Variants in NAALADL2 observed in about 807,000 individuals in gnomAD.
The protein encoded by NAALADL2 is N-acetylated alpha-linked acidic dipeptidase like 2, also known as inactive N-acetylated-alpha-linked acidic dipeptidase-like protein 2.
In NAALADL2, 76 loss-of-function variants were observed where a neutral mutation model predicts 87.2. The observed-to-expected ratio is 0.87, with a 90% CI of 0.72 to 1.05. The LOEUF (loss-of-function observed/expected upper bound fraction) is 1.05, where lower values mean the gene tolerates loss of function less well. Among genes scored for constraint, NAALADL2 ranks in the 50% least tolerant of loss-of-function variants. The probability of loss-of-function intolerance (pLI) is 0.00; values close to 1 mark genes in which losing one functional copy is unlikely to be tolerated. For synonymous variants in NAALADL2, 354 were observed against 331.0 expected (o/e 1.07, Z -0.75); for missense variants, 1,089 against 945.8 (o/e 1.15, Z -1.99).
chr3:174,791,391 A>G (rs1297799678), intron 3 of NAALADL2, among the ~76,000 whole-genome samples: 1 of 152,190 alleles, frequency 6.6e-6, no homozygotes, highest in Non-Finnish European at 1.5e-5. Context: ...GGCCTCAGAG[A>G]GACCATCCAT....
At chr3:175,697,463 T>C (rs1737984305) in intron 11 of NAALADL2, among the ~76,000 whole-genome samples, 1 of 150,770 alleles carries the variant, frequency 6.6e-6, no homozygotes, top group Admixed American at 6.6e-5. Context: ...GTATTGTTAC[T>C]TTTGATTTTA....
At chr3:174,496,476 T>G (rs1224614363) in intron 1 of NAALADL2, among the ~76,000 whole-genome samples, 1 of 145,748 alleles carries the variant, frequency 6.9e-6, no homozygotes, top group Non-Finnish European at 1.5e-5. Flanking sequence ...TTATGGTGTG[T>G]GTCTGTGTCT....
At chr3:174,870,520 T>G (rs1727692593) in intron 1 of NAALADL2, among the ~76,000 whole-genome samples, 1 of 152,138 alleles carries the variant, frequency 6.6e-6, no homozygotes, top group Non-Finnish European at 1.5e-5. Context: ...TTTGAAGACA[T>G]TTGGATAATC....
chr3:175,289,434 A>T (rs1755381688), intron 4 of NAALADL2, among the ~76,000 whole-genome samples: 2 of 152,108 alleles, frequency 1.3e-5, no homozygotes, highest in South Asian at 2.1e-4. Flanking sequence ...AAGGTGCCAA[A>T]AAGAGAGAAC....
chr3:174,455,049 T>G (rs56030432), intron 1 of NAALADL2, among the ~76,000 whole-genome samples: 12,143 of 151,276 alleles, frequency 0.08, 629 homozygotes, highest in Middle Eastern at 0.12. Flanking sequence ...AGAGGGGATA[T>G]TACTGCTGAC....
chr3:174,765,275 T>C (rs1357446), intron 3 of NAALADL2, among the ~76,000 whole-genome samples: 46,025 of 152,060 alleles, frequency 0.3, 7,029 homozygotes, highest in Middle Eastern at 0.35. Flanking sequence ...ATTTAAATAG[T>C]TGCAATGAGG....
chr3:175,190,981 C>CAAAAAAA (rs544760324), intron 2 of NAALADL2, among the ~76,000 whole-genome samples: 3 of 101,784 alleles, frequency 2.9e-5, no homozygotes, highest in African/African-American at 8.6e-5. Context: ...GACTCCGTCT[C>CAAAAAAA]AAAAAAAAAA....
At chr3:175,645,263 A>C (rs918430769) in intron 11 of NAALADL2, among the ~76,000 whole-genome samples, 45 of 152,106 alleles carry the variant, frequency 3.0e-4, no homozygotes, top group African/African-American at 1.1e-3. Context: ...CCGACTCAAA[A>C]ACTACACAGA....
At chr3:175,463,948 T>C (rs944274512) in intron 7 of NAALADL2, among the ~76,000 whole-genome samples, 2 of 152,072 alleles carry the variant, frequency 1.3e-5, no homozygotes, top group Admixed American at 6.6e-5. Context: ...TTGTACCTCA[T>C]CCTCTTGAGT....
At chr3:174,522,513 A>C (rs546790922) in intron 1 of NAALADL2, among the ~76,000 whole-genome samples, 1 of 152,118 alleles carries the variant, frequency 6.6e-6, no homozygotes, top group Non-Finnish European at 1.5e-5. Context: ...AAAAAAAATT[A>C]CATGGGCATA....
intron 1 of NAALADL2, among the ~76,000 whole-genome samples, chr3:174,945,493 C>A (rs376043607): frequency 3.3e-5 from 5 of 152,114 alleles, no homozygotes; most frequent in Admixed American, 3.3e-4. Flanking sequence ...AGTTATAGCA[C>A]CTTTGGAAAG....
chr3:174,809,953 T>TC (rs1237880998), intron 3 of NAALADL2, among the ~76,000 whole-genome samples: 1 of 151,946 alleles, frequency 6.6e-6, no homozygotes, highest in Non-Finnish European at 1.5e-5. Flanking sequence ...GTGTGGCACC[T>TC]CCCCCCTCTC....
chr3:174,593,392 C>G (rs1717581472), intron 2 of NAALADL2, among the ~76,000 whole-genome samples: 2 of 152,186 alleles, frequency 1.3e-5, no homozygotes, highest in African/African-American at 4.8e-5. Context: ...TTGAGGAAGG[C>G]ACTGCTATTC....
rs532182142 is a variant in NAALADL2 at position 175,132,130 on chromosome 3, G to A, written c.545+34839G>A. On this transcript the variant is annotated intron_variant, in intron 2 of 13. Transcript: ENST00000454872. ...GCCCGGATGGGGCGGCTGGCCGGGCGGGGGGCTGACCCCCCCACCTCCCTC... is the reference window on the plus strand; with the variant it reads ...GCCCGGATGGGGCGGCTGGCCGGGCAGGGGGCTGACCCCCCCACCTCCCTC... 7.9e-3 allele frequency among the ~76,000 whole-genome samples: 996 copies of A among 125,698 alleles called. 16 individuals carry two copies. Among genetic ancestry groups the A allele is most frequent in the Non-Finnish European group, 0.011 (627 of 59,280 alleles). The allele number at this position is 125,698 out of a possible 152,430, so 82.5% of individuals were successfully genotyped here.
chr3:174,937,944 T>G (rs971231171), intron 1 of NAALADL2, among the ~76,000 whole-genome samples: 14 of 152,096 alleles, frequency 9.2e-5, no homozygotes, highest in African/African-American at 2.7e-4. Flanking sequence ...AGCATTTAAT[T>G]GCAAAGTTCA....
intron 9 of NAALADL2, among the ~76,000 whole-genome samples, chr3:175,535,107 C>G (rs1263116599): frequency 6.6e-6 from 1 of 152,048 alleles, no homozygotes; most frequent in East Asian, 1.9e-4. Context: ...GGTAATTCTA[C>G]TCAGTCATAC....
chr3:175,029,411 C>G (rs1452232091), intron 1 of NAALADL2, among the ~76,000 whole-genome samples: 1 of 151,932 alleles, frequency 6.6e-6, no homozygotes, highest in Non-Finnish European at 1.5e-5. Context: ...AAGCTTGCAC[C>G]AGGCAAGGTT....
At chr3:175,701,960 CA>C (rs2149969477) in intron 11 of NAALADL2, among the ~76,000 whole-genome samples, 1 of 152,176 alleles carries the variant, frequency 6.6e-6, no homozygotes, top group South Asian at 2.1e-4. Flanking sequence ...CTAATTTATC[CA>C]AATTTTAATT....
At chr3:174,653,413 T>C (rs1724583863) in intron 2 of NAALADL2, among the ~76,000 whole-genome samples, 1 of 152,240 alleles carries the variant, frequency 6.6e-6, no homozygotes, top group African/African-American at 2.4e-5. Context: ...TGTCTGGTTT[T>C]CTTTTAAATC....
Sources: allele counts gnomAD v4.1 joint callset (sites outside exome capture counted in the v4.1 genomes callset), GRCh38; gene constraint gnomAD v4.1.1; transcripts MANE v1.5; gene names NCBI Gene and HGNC (gene_info 2026-07-23, HGNC 2026-07-21).